FAM169A: variants seen among roughly 807,000 people sequenced by gnomAD.
FAM169A encodes the protein family with sequence similarity 169 member A.
In FAM169A, 24 loss-of-function variants were observed where a neutral mutation model predicts 75.7. The ratio of observed to expected loss-of-function variants is 0.32; its 90% CI spans 0.23 to 0.45. FAM169A has a LOEUF of 0.45. FAM169A is among the 20% of genes least tolerant of loss of function. The pLI, the probability that FAM169A is intolerant of heterozygous loss-of-function variation, is 1.00. For synonymous variants in FAM169A, 271 were observed against 271.0 expected, an observed-to-expected ratio of 1.00 and a Z score of 0.00; for missense variants, 673 against 784.0, an observed-to-expected ratio of 0.86 and a Z score of 1.69.
rs1233375582 is a variant in FAM169A at position 74,814,016 on chromosome 5, C to T, written c.494G>A (p.Ser165Asn). Residue 165 changes from serine to asparagine, a missense_variant, in exon 6 of 13, where the codon AGC (serine) becomes AAC (asparagine). Transcript: ENST00000687041. ...IGFYSVKPTGSICASFLTQSY... is the reference protein window; with the variant it reads ...IGFYSVKPTGNICASFLTQSY... Reference sequence around the variant, plus strand: ...TTGGGTAAGAAAAGAGGCACATATGCTTCCTGCAGTAATAAGAACAGAAAC... The same window carrying T: ...TTGGGTAAGAAAAGAGGCACATATGTTTCCTGCAGTAATAAGAACAGAAAC... The T allele has an allele frequency of 6.5e-7, 1 of 1,549,898 alleles. No individual in the cohort carries two copies. Among genetic ancestry groups the T allele is most frequent in the East Asian group, 2.3e-5 (1 of 43,196 alleles).
intron 1 of FAM169A, among the ~76,000 whole-genome samples, chr5:74,863,476 C>T (rs985667765): frequency 1.1e-4 from 16 of 152,176 alleles, no homozygotes; most frequent in African/African-American, 3.9e-4. Flanking sequence ...TTTTGTTTAA[C>T]TTCCTACCCA....
At chr5:74,813,419 C>T (rs1244561639) in intron 6 of FAM169A, among the ~76,000 whole-genome samples, 3 of 151,922 alleles carry the variant, frequency 2.0e-5, no homozygotes, top group African/African-American at 7.3e-5. Context: ...CTCTGCCTCC[C>T]GGATTCAAGC....
chr5:74,847,698 T>C (rs967800793), intron 1 of FAM169A, among the ~76,000 whole-genome samples: 2 of 152,168 alleles, frequency 1.3e-5, no homozygotes, highest in Non-Finnish European at 2.9e-5. Context: ...AACACAGCAC[T>C]ATACAAAAAC....
chr5:74,860,922 G>A (rs912316295), intron 1 of FAM169A, among the ~76,000 whole-genome samples: 1 of 151,766 alleles, frequency 6.6e-6, no homozygotes, highest in African/African-American at 2.4e-5. Flanking sequence ...CGGATCACGA[G>A]GTCAGGAGTT....
chr5:74,848,201 A>G (rs939641246), intron 1 of FAM169A, among the ~76,000 whole-genome samples: 6 of 152,192 alleles, frequency 3.9e-5, no homozygotes, highest in Admixed American at 3.3e-4. Flanking sequence ...AGAATTAGAA[A>G]TTATTATTAT....
At chr5:74,857,484 GT>G (rs1286919329) in intron 1 of FAM169A, among the ~76,000 whole-genome samples, 2 of 147,952 alleles carry the variant, frequency 1.4e-5, no homozygotes, top group African/African-American at 5.0e-5. Context: ...GGAGGCAGAG[GT>G]TGCAGGGAGG....
At chr5:74,810,513 T>C (rs1245852228) in intron 6 of FAM169A, among the ~76,000 whole-genome samples, 1 of 151,670 alleles carries the variant, frequency 6.6e-6, no homozygotes, top group Non-Finnish European at 1.5e-5. Flanking sequence ...ACTTTGGGAG[T>C]CCGAGGCGGG....
At chr5:74,862,741 A>G (rs113993321) in intron 1 of FAM169A, among the ~76,000 whole-genome samples, 127 of 152,376 alleles carry the variant, frequency 8.3e-4, no homozygotes, top group African/African-American at 2.9e-3. Context: ...TTACAAATAA[A>G]GTGTGACAAC....
At chr5:74,851,865 T>C (rs1749461507) in intron 1 of FAM169A, among the ~76,000 whole-genome samples, 1 of 152,226 alleles carries the variant, frequency 6.6e-6, no homozygotes, top group African/African-American at 2.4e-5. Context: ...ACCACGTATC[T>C]GACTATACAG....
intron 12 of FAM169A, 24 bp from the exon 13 acceptor site, chr5:74,782,032 C>A: frequency 6.4e-7 from 1 of 1,565,240 alleles, no homozygotes; most frequent in South Asian, 1.2e-5. Context: ...ACCTGGTCAA[C>A]AAATAAACTT....
In FAM169A at chr5:74,781,116, T is replaced by C. The variant is rs1346151587; in HGVS notation, c.*344A>G. 2 of 203,854 alleles carry C rather than the reference T, an allele frequency of 9.8e-6. No individual in the cohort carries two copies. Among genetic ancestry groups the C allele is most frequent in the Admixed American group, 5.2e-5 (1 of 19,146 alleles). The allele number at this position is 203,854 out of a possible 1,614,324, so 12.6% of individuals were successfully genotyped here. A position where few individuals can be genotyped will look rare whatever the true frequency, so the allele number is the denominator to read the frequency against. ...GTATAAAAGATTTCTGTGATCCTTATAAGTAATGGAAATCCTACTACTTTC... is the reference window on the plus strand; with the variant it reads ...GTATAAAAGATTTCTGTGATCCTTACAAGTAATGGAAATCCTACTACTTTC... On this transcript the variant is annotated 3_prime_UTR_variant, in exon 13 of 13. Transcript: ENST00000687041.
intron 5 of FAM169A, among the ~76,000 whole-genome samples, chr5:74,830,833 T>C (rs1003746831): frequency 3.3e-5 from 5 of 152,076 alleles, no homozygotes; most frequent in Admixed American, 2.0e-4. Flanking sequence ...TATAAATGAG[T>C]AGCTGAAGAG....
chr5:74,834,090 T>C (rs1389535076), intron 5 of FAM169A, among the ~76,000 whole-genome samples: 2 of 152,102 alleles, frequency 1.3e-5, no homozygotes, highest in African/African-American at 4.8e-5. Flanking sequence ...CCTGTAACAG[T>C]AACAGCAACA....
Position 74,782,006 on chromosome 5 carries a change from G to A in FAM169A, c.1467C>T (p.Thr489=), listed in dbSNP as rs769776085. ...KPPEVDAPDK[T]PRIPDSEMLM... ...ACATTTCTGAGTCAGGTATACGTGG[G>A]GTCTGAAAATTAAAAACCTGGTCAA... Residue 489 remains threonine (T), a splice_region_variant and synonymous_variant, in exon 13 of 13, where the codon ACC becomes ACT. Coordinates refer to ENST00000687041, the MANE Select transcript of FAM169A (RefSeq NM_001376049.1). The A allele has an allele frequency of 1.6e-5, 25 of 1,591,462 alleles. No homozygotes were observed. Among genetic ancestry groups the A allele is most frequent in the Non-Finnish European group, 2.1e-5 (25 of 1,168,182 alleles).
rs1745399694 is a variant in FAM169A, at chr5:74,781,379, A to T, written c.*81T>A. 1.5e-6 allele frequency: 2 copies of T among 1,374,670 alleles called. No homozygotes were observed. The highest frequency in any genetic ancestry group is 2.0e-6 in the Non-Finnish European group (2 of 1,000,956). 85.2% of individuals were successfully genotyped at this position (1,374,670 alleles called of 1,614,324 possible). On this transcript the variant is annotated 3_prime_UTR_variant, in exon 13 of 13. Coordinates refer to ENST00000687041, the MANE Select transcript of FAM169A (RefSeq NM_001376049.1). ...TTTGGAAATTTTTGTCCTGTGCCCCATGCTGTTTATTAATTACCATATTTT... is the reference window on the plus strand; with the variant it reads ...TTTGGAAATTTTTGTCCTGTGCCCCTTGCTGTTTATTAATTACCATATTTT...
At chr5:74,849,238 T>A (rs996893491) in intron 1 of FAM169A, among the ~76,000 whole-genome samples, 2 of 152,140 alleles carry the variant, frequency 1.3e-5, no homozygotes, top group Non-Finnish European at 2.9e-5. Context: ...CCCAAAAAAA[T>A]TATGTATTTG....
intron 5 of FAM169A, among the ~76,000 whole-genome samples, chr5:74,823,843 C>G (rs540170813): frequency 3.3e-5 from 5 of 152,286 alleles, no homozygotes; most frequent in African/African-American, 1.2e-4. Flanking sequence ...ACTCTCCCAA[C>G]AAAAAATTCA....
intron 8 of FAM169A, 137 bp from the exon 9 acceptor site, chr5:74,801,766 A>G (rs1746592500): frequency 1.8e-5 from 12 of 676,610 alleles, no homozygotes; most frequent in Non-Finnish European, 2.3e-5. Flanking sequence ...TTTACTTTAA[A>G]AATAAAAAGG....
rs1272397942 is a variant in FAM169A, at chr5:74,840,192, A to G, written c.133-19T>C. 8.3e-7 allele frequency: 1 copy of G among 1,211,086 alleles called. No homozygotes were observed. Among genetic ancestry groups the G allele is most frequent in the Middle Eastern group, 1.9e-4 (1 of 5,154 alleles). The allele number at this position is 1,211,086 out of a possible 1,614,324, so 75.0% of individuals were successfully genotyped here. A position where few individuals can be genotyped will look rare whatever the true frequency, so the allele number is the denominator to read the frequency against. On this transcript the variant is annotated intron_variant, in intron 2 of 12. Transcript: ENST00000687041. ...TAGGAATCTGAAATGACAAATTAAT[A>G]AAGATTAGTGAACAGTCTGTTAAGA...
Sources: gnomAD v4.1 joint callset for allele counts (sites outside exome capture counted in the v4.1 genomes callset) on GRCh38, gnomAD v4.1.1 for gene constraint, MANE v1.5 for transcripts, NCBI Gene and HGNC (gene_info 2026-07-23, HGNC 2026-07-21) for gene names.